The following TAS2R1 variants were observed in gnomAD, a reference collection of about 807,000 sequenced individuals.
The protein encoded by TAS2R1 is taste receptor type 2 member 1.
For missense variants in TAS2R1, 370 were observed against 353.4 expected, an observed-to-expected ratio of 1.05 and a Z score of -0.38; for synonymous variants, 141 against 134.2, an observed-to-expected ratio of 1.05 and a Z score of -0.35.
chr5:9,741,348 C>T, the TAS2R1 span, among the ~76,000 whole-genome samples: 520 of 152,212 alleles, frequency 3.4e-3, 6 homozygotes, highest in Admixed American at 0.016. Flanking sequence ...CAATGGGACC[C>T]GCTTCTCCCA....
chr5:9,727,650 A>T, the TAS2R1 span, among the ~76,000 whole-genome samples: 4 of 152,222 alleles, frequency 2.6e-5, no homozygotes, highest in African/African-American at 9.6e-5. Context: ...CTGGTGTCCA[A>T]CCCACACCAA....
chr5:9,725,575 G>C, the TAS2R1 span, among the ~76,000 whole-genome samples: 1 of 152,198 alleles, frequency 6.6e-6, no homozygotes, highest in Admixed American at 6.5e-5. Context: ...CTCGGGACCT[G>C]CAGCCCGCCA....
At chr5:9,725,816 C>G in the TAS2R1 span, among the ~76,000 whole-genome samples, 1 of 152,230 alleles carries the variant, frequency 6.6e-6, no homozygotes, top group Non-Finnish European at 1.5e-5. Flanking sequence ...ACGTGGAGAA[C>G]CTTTATGTCT....
chr5:9,832,034 C>T, the TAS2R1 span, among the ~76,000 whole-genome samples: 3 of 152,180 alleles, frequency 2.0e-5, no homozygotes, highest in African/African-American at 7.2e-5. Context: ...CAGGGCCAGC[C>T]TTCTTAGTTT....
chr5:9,811,772 G>A, the TAS2R1 span, among the ~76,000 whole-genome samples: 2 of 152,144 alleles, frequency 1.3e-5, no homozygotes, highest in African/African-American at 4.8e-5. Flanking sequence ...GTCCACATCT[G>A]TGTGTTTCAT....
chr5:9,775,597 G>A, the TAS2R1 span, among the ~76,000 whole-genome samples: 2 of 152,134 alleles, frequency 1.3e-5, no homozygotes, highest in Non-Finnish European at 2.9e-5. Context: ...AGTACTGTCT[G>A]GGGGCTGCTG....
chr5:9,771,472 G>T, the TAS2R1 span, among the ~76,000 whole-genome samples: 1 of 152,020 alleles, frequency 6.6e-6, no homozygotes, highest in Admixed American at 6.6e-5. Context: ...TGGTCTGTAG[G>T]TTTATTTTTC....
chr5:9,778,537 T>G, the TAS2R1 span, among the ~76,000 whole-genome samples: 1 of 152,266 alleles, frequency 6.6e-6, no homozygotes, highest in Non-Finnish European at 1.5e-5. Flanking sequence ...AAGGTTGTTT[T>G]GTCTACATTG....
the TAS2R1 span, among the ~76,000 whole-genome samples, chr5:9,726,715 A>G: frequency 6.6e-6 from 1 of 152,216 alleles, no homozygotes; most frequent in African/African-American, 2.4e-5. Context: ...TTCATTCTTG[A>G]AGTCAGTGAG....
chr5:9,732,033 A>G, the TAS2R1 span, among the ~76,000 whole-genome samples: 2 of 152,236 alleles, frequency 1.3e-5, no homozygotes, highest in Non-Finnish European at 2.9e-5. Context: ...AGAGATTATG[A>G]TGTTTACAAT....
chr5:9,729,663 C>T, the TAS2R1 span, among the ~76,000 whole-genome samples: 39 of 152,156 alleles, frequency 2.6e-4, no homozygotes, highest in African/African-American at 8.4e-4. Context: ...AAAGCAGGCA[C>T]GCGTAAAACC....
intron 1 of TAS2R1, among the ~76,000 whole-genome samples, chr5:9,700,906 G>A (rs1041399101): frequency 3.9e-5 from 6 of 152,088 alleles, no homozygotes; most frequent in African/African-American, 1.2e-4. Context: ...TAAAGACCCT[G>A]TTTCCAAATA....
At chr5:9,736,465 T>A in the TAS2R1 span, among the ~76,000 whole-genome samples, 1 of 152,206 alleles carries the variant, frequency 6.6e-6, no homozygotes, top group Non-Finnish European at 1.5e-5. Flanking sequence ...TGGATCAACA[T>A]CCCAGCTCCC....
chr5:9,808,819 C>T, the TAS2R1 span, among the ~76,000 whole-genome samples: 1 of 152,128 alleles, frequency 6.6e-6, no homozygotes, highest in South Asian at 2.1e-4. Flanking sequence ...AAGGATGGGG[C>T]TAACTCTCTC....
chr5:9,714,339 T>C (rs1734763178), upstream of TAS2R1: 1 of 152,210 alleles, frequency 6.6e-6, no homozygotes, highest in Non-Finnish European at 1.5e-5. Context: ...CAGCTGAACT[T>C]TGTAATCAGT....
At chr5:9,645,870 C>G (rs1209332709) in intron 2 of TAS2R1, among the ~76,000 whole-genome samples, 1 of 152,150 alleles carries the variant, frequency 6.6e-6, no homozygotes, top group East Asian at 1.9e-4. Flanking sequence ...ATATGTCAGC[C>G]TCAGAACCAG....
At chr5:9,651,503 A>G (rs960558103) in intron 2 of TAS2R1, among the ~76,000 whole-genome samples, 12 of 152,224 alleles carry the variant, frequency 7.9e-5, no homozygotes, top group African/African-American at 1.2e-4. Context: ...AAGAAGATAA[A>G]TTGAGAAATG....
the TAS2R1 span, among the ~76,000 whole-genome samples, chr5:9,896,815 CAAT>C: frequency 3.9e-5 from 6 of 152,164 alleles, no homozygotes; most frequent in Non-Finnish European, 8.8e-5. Flanking sequence ...GCAATAAATC[CAAT>C]CCCATGAACA....
the TAS2R1 span, among the ~76,000 whole-genome samples, chr5:9,902,998 G>A: frequency 6.6e-6 from 1 of 151,980 alleles, no homozygotes; most frequent in Non-Finnish European, 1.5e-5. Context: ...TGGTGTACAT[G>A]AGATGTTTTG....
Sources: allele counts gnomAD v4.1 joint callset (sites outside exome capture counted in the v4.1 genomes callset), GRCh38; gene constraint gnomAD v4.1.1; transcripts MANE v1.5; gene names NCBI Gene and HGNC (gene_info 2026-07-23, HGNC 2026-07-21).